The following PRDM15 variants were observed in gnomAD, a reference collection of about 807,000 sequenced individuals.
The protein encoded by PRDM15 is PR domain zinc finger protein 15.
PRDM15 carries 64 observed loss-of-function variants against 128.6 expected under a neutral mutation model. The observed-to-expected ratio is 0.50, with a 90% CI of 0.41 to 0.61. The LOEUF is 0.61. PRDM15 is among the 20% of genes least tolerant of loss of function. The pLI is 0.00. For synonymous variants in PRDM15, 615 were observed against 621.8 expected (o/e 0.99, Z 0.16); for missense variants, 1,242 against 1,569.1 (o/e 0.79, Z 3.52).
chr21:41,837,169 G>A (rs938495437), intron 8 of PRDM15, among the ~76,000 whole-genome samples: 4 of 152,202 alleles, frequency 2.6e-5, no homozygotes. Flanking sequence ...CCAAAAAGAA[G>A]TGACCACCAA....
chr21:41,839,506 G>A (rs1043573057), intron 7 of PRDM15, 117 bp downstream of exon 7: 9 of 767,192 alleles, frequency 1.2e-5, no homozygotes, highest in Admixed American at 2.2e-5. Context: ...TACCTTCCAC[G>A]AGGCCTTTCT....
intron 5 of PRDM15, among the ~76,000 whole-genome samples, chr21:41,852,043 C>T (rs563954151): frequency 9.9e-5 from 15 of 152,280 alleles, no homozygotes; most frequent in South Asian, 6.2e-4. Flanking sequence ...CTAGGATCTC[C>T]GAAATCAGAG....
intron 21 of PRDM15, among the ~76,000 whole-genome samples, chr21:41,807,278 T>C (rs2061710793): frequency 6.6e-6 from 1 of 152,226 alleles, no homozygotes; most frequent in Admixed American, 6.5e-5. Flanking sequence ...CTTGGAGTCA[T>C]AAAATAGTAT....
At position 41,821,611 on chromosome 21, in the gene PRDM15, G is replaced by A. The variant is rs1014051768; in HGVS notation, c.1896+292C>T. 4.6e-5 allele frequency among the ~76,000 whole-genome samples: 7 copies of A among 152,120 alleles called. No individual in the cohort carries two copies. The highest frequency in any genetic ancestry group is 1.2e-4 in the African/African-American group (5 of 41,418). Reference sequence around the variant, plus strand: ...CAGCACAGCCACCTTCTAGGAGGCCGACCCCCACACTTCATGTGTGTTCCT... The same window carrying A: ...CAGCACAGCCACCTTCTAGGAGGCCAACCCCCACACTTCATGTGTGTTCCT... On this transcript the variant is annotated intron_variant, in intron 15 of 23. Coordinates refer to ENST00000398548, the MANE Select transcript of PRDM15 (RefSeq NM_001040424.3). The surrounding 1 kb of genome is among the most constrained non-coding windows in gnomAD (Gnocchi z 5.4).
intron 11 of PRDM15, among the ~76,000 whole-genome samples, chr21:41,833,004 G>T (rs867264135): frequency 6.6e-6 from 1 of 152,166 alleles, no homozygotes; most frequent in Non-Finnish European, 1.5e-5. Context: ...CTGCGCCGAG[G>T]GGATCTAGGT....
At chr21:41,872,650 T>C (rs1487873725) in intron 1 of PRDM15, among the ~76,000 whole-genome samples, 1 of 152,148 alleles carries the variant, frequency 6.6e-6, no homozygotes, top group African/African-American at 2.4e-5. Context: ...ACATGTATCA[T>C]CTCTTTGTGT....
intron 18 of PRDM15, among the ~76,000 whole-genome samples, chr21:41,817,819 T>C (rs558530364): frequency 6.6e-6 from 1 of 152,334 alleles, no homozygotes; most frequent in South Asian, 2.1e-4. Flanking sequence ...TGGTATTCTG[T>C]AAAATAAATC....
At chr21:41,863,461 T>C (rs1267572667) in intron 1 of PRDM15, among the ~76,000 whole-genome samples, 4 of 152,178 alleles carry the variant, frequency 2.6e-5, no homozygotes, top group Admixed American at 2.6e-4. Flanking sequence ...ACAATTTATA[T>C]GACTACTACT....
rs913592999 is a variant in PRDM15, at chr21:41,823,214, G to C, written c.1761+104C>G. 16 of 1,437,028 alleles carry C rather than the reference G, an allele frequency of 1.1e-5. No individual in the cohort carries two copies. In the African/African-American group the frequency reaches 1.6e-4, roughly 14 times the overall value. 89.0% of individuals were successfully genotyped at this position (1,437,028 alleles called of 1,614,324 possible). A position where few individuals can be genotyped will look rare whatever the true frequency, so the allele number is the denominator to read the frequency against. On this transcript the variant is annotated intron_variant, in intron 14 of 23. Coordinates refer to ENST00000398548, the MANE Select transcript of PRDM15 (RefSeq NM_001040424.3). ...ACCGTGAGCAGCACATGTCTGCCCA[G>C]AAGCTGCCCTGCCCACAGAACTCTG...
Position 41,879,059 on chromosome 21 carries a change from A to G in PRDM15, c.-10+211T>C. The G allele has an allele frequency of 8.9e-7, 1 of 1,129,490 alleles. No individual in the cohort carries two copies. Among genetic ancestry groups the G allele is most frequent in the Non-Finnish European group, 1.1e-6 (1 of 897,980 alleles). 70.0% of individuals were successfully genotyped at this position (1,129,490 alleles called of 1,614,324 possible). A position where few individuals can be genotyped will look rare whatever the true frequency, so the allele number is the denominator to read the frequency against. On this transcript the variant is annotated intron_variant, in intron 1 of 23. Transcript: ENST00000398548. The surrounding 1 kb of genome is among the most constrained non-coding windows in gnomAD (Gnocchi z 5.1). The stretch of plus-strand genomic sequence containing the variant: ...CTCCGGGAAATCCAGCCGGGTTTTG[A>G]CTCCGATCGCCAACGGTGCCCGCAG...
intron 1 of PRDM15, chr21:41,871,452 G>C: frequency 6.6e-7 from 1 of 1,520,864 alleles, no homozygotes. Flanking sequence ...GGCTGTCCCT[G>C]TCTGGGCCCA....
At chr21:41,856,116 T>TC (rs2063603400) in intron 4 of PRDM15, among the ~76,000 whole-genome samples, 2 of 9,248 alleles carry the variant, frequency 2.2e-4, no homozygotes, top group Non-Finnish European at 1.8e-4. Flanking sequence ...TTTCCTTCCT[T>TC]CCCTCCCTCC....
chr21:41,810,707 G>C lies in PRDM15; in HGVS notation c.2476+46C>G. On this transcript the variant is annotated intron_variant, in intron 20 of 23. Coordinates refer to ENST00000398548, the MANE Select transcript of PRDM15 (RefSeq NM_001040424.3). The surrounding 1 kb of genome is among the most constrained non-coding windows in gnomAD (Gnocchi z 6.4). ...AGCAGGCACTCAGACAGCCCCGGCA[G>C]CCTGCCGCGTGCGCCCCGAAGGCTC... 6.6e-7 allele frequency: 1 copy of C among 1,507,712 alleles called. No individual in the cohort carries two copies. The allele number at this position is 1,507,712 out of a possible 1,614,324, so 93.4% of individuals were successfully genotyped here. A position where few individuals can be genotyped will look rare whatever the true frequency, so the allele number is the denominator to read the frequency against.
rs949083237 is a variant in PRDM15, at chr21:41,839,671, A to T, written c.823T>A (p.Ser275Thr). The T allele has an allele frequency of 6.2e-7, 1 of 1,614,184 alleles. No individual in the cohort carries two copies. The highest frequency in any genetic ancestry group is 8.5e-7 in the Non-Finnish European group (1 of 1,180,032). Residue 275 changes from serine to threonine, a missense_variant, in exon 7 of 24, where the codon TCC becomes ACC. Transcript: ENST00000398548. ...ATGACTAGAGGCTGCTCAGCTTTGG[A>T]CACTTTGGGTTTTCTCCCCCTTCGA... ...KPRRGRKPKV[S>T]KAEQPLVIVE...
chr21:41,877,852 A>G (rs1295401497), intron 1 of PRDM15, among the ~76,000 whole-genome samples: 1 of 151,172 alleles, frequency 6.6e-6, no homozygotes, highest in East Asian at 1.9e-4. Context: ...TATGAATCAC[A>G]GATAGAAGAA....
intron 5 of PRDM15, among the ~76,000 whole-genome samples, chr21:41,851,912 C>T (rs1245119903): frequency 6.6e-6 from 1 of 152,126 alleles, no homozygotes; most frequent in African/African-American, 2.4e-5. Context: ...AATTAAAAAC[C>T]TTGTTTAGGT....
intron 1 of PRDM15, chr21:41,878,954 G>A: frequency 2.1e-6 from 2 of 970,622 alleles, no homozygotes; most frequent in South Asian, 4.6e-5. Context: ...GGCAGGGGAC[G>A]GGGGCGCGGA....
Position 41,839,870 on chromosome 21 carries a change from G to T in PRDM15, c.641-17C>A. 6.2e-7 allele frequency: 1 copy of T among 1,605,516 alleles called. No homozygotes were observed. The highest frequency in any genetic ancestry group is 8.5e-7 in the Non-Finnish European group (1 of 1,172,382). ...ACAGATGTTCTGCAAAGAGAGACGCGAATGCACCACACAATTAGGAAGCCT... is the reference window on the plus strand; with the variant it reads ...ACAGATGTTCTGCAAAGAGAGACGCTAATGCACCACACAATTAGGAAGCCT... On this transcript the variant is annotated splice_polypyrimidine_tract_variant and intron_variant, in intron 6 of 23. Coordinates refer to ENST00000398548, the MANE Select transcript of PRDM15 (RefSeq NM_001040424.3).
In PRDM15 at chr21:41,800,704, G is replaced by C. The variant is rs377550727; in HGVS notation, c.*536C>G. ...TGTATAAGAACCGACTCCACTCCTA[G>C]TTCAAAGAGAATACACGTTACTTTA... On this transcript the variant is annotated 3_prime_UTR_variant, in exon 24 of 24. Transcript: ENST00000398548. 6.6e-6 allele frequency: 1 copy of C among 152,588 alleles called. No individual in the cohort carries two copies. The highest frequency in any genetic ancestry group is 1.5e-5 in the Non-Finnish European group (1 of 68,424). The allele number at this position is 152,588 out of a possible 1,614,324, so 9.5% of individuals were successfully genotyped here. A position where few individuals can be genotyped will look rare whatever the true frequency, so the allele number is the denominator to read the frequency against.
Sources: gnomAD v4.1 joint callset for allele counts (sites outside exome capture counted in the v4.1 genomes callset) on GRCh38, gnomAD v4.1.1 for gene constraint, Gnocchi (gnomAD v3.1) non-coding constraint, MANE v1.5 for transcripts, NCBI Gene and HGNC (gene_info 2026-07-23, HGNC 2026-07-21) for gene names.